The following ABHD5 variants were observed in gnomAD, a reference collection of about 807,000 sequenced individuals.
ABHD5 encodes the protein 1-acylglycerol-3-phosphate O-acyltransferase ABHD5.
Under a neutral mutation model 44.9 loss-of-function variants are expected in ABHD5, and 30 were observed. The observed-to-expected ratio is 0.67, with a 90% CI of 0.50 to 0.91. The LOEUF (loss-of-function observed/expected upper bound fraction) is 0.91. ABHD5 is among the 40% of genes least tolerant of loss of function. ABHD5 has a pLI of 0.00. For missense variants in ABHD5, 399 were observed against 423.4 expected (o/e 0.94, Z 0.50); for synonymous variants, 167 against 147.0 (o/e 1.14, Z -0.99).
chr3:43,723,270 A>G (rs1489533558), downstream of ABHD5, among the ~76,000 whole-genome samples: 4 of 152,248 alleles, frequency 2.6e-5, no homozygotes, highest in Non-Finnish European at 5.9e-5. Context: ...TTCATGGGAA[A>G]AATGAATCAT....
chr3:43,717,174 C>G (rs575334787), intron 5 of ABHD5, among the ~76,000 whole-genome samples: 46 of 134,284 alleles, frequency 3.4e-4, no homozygotes, highest in African/African-American at 1.2e-3. Flanking sequence ...GACTCCATCT[C>G]AAAAAAAACA....
chr3:43,691,031 C>A lies in ABHD5; in HGVS notation c.39C>A (p.Thr13=), dbSNP rs140969259. The A allele has an allele frequency of 6.4e-7, 1 of 1,560,322 alleles. No individual in the cohort carries two copies. Among genetic ancestry groups the A allele is most frequent in the Non-Finnish European group, 8.7e-7 (1 of 1,155,530 alleles). The stretch of plus-strand genomic sequence containing the variant: ...AGGAGGAGGTGGACTCTGCCGACAC[C>A]GGAGAGAGGTAAGCGCAGCCGGCAG... The part of the protein sequence containing the change: ...AEEEEVDSAD[T]GERSGWLTGW... Residue 13 remains threonine (T), a synonymous_variant, in exon 1 of 7, where the codon ACC becomes ACA. Coordinates refer to ENST00000644371, the MANE Select transcript of ABHD5 (RefSeq NM_016006.6).
intron 1 of ABHD5, among the ~76,000 whole-genome samples, chr3:43,698,854 A>G (rs748415644): frequency 1.3e-5 from 2 of 151,978 alleles, no homozygotes; most frequent in Non-Finnish European, 2.9e-5. Flanking sequence ...CCTTTTCTCA[A>G]CCCCCATAGA....
rs763065159 is a variant in ABHD5 at position 43,711,050 on chromosome 3, CAG to C, written c.507-657_507-656del. On this transcript the variant is annotated intron_variant, in intron 3 of 6. Coordinates refer to ENST00000644371, the MANE Select transcript of ABHD5 (RefSeq NM_016006.6). ...AAGAAAATTGGGAAAGAATTGAAAACAGAATCTAATGTCAGTATAGCGTGATA... is the reference window on the plus strand; with the variant it reads ...AAGAAAATTGGGAAAGAATTGAAAACAATCTAATGTCAGTATAGCGTGATA... Among the ~76,000 whole-genome samples the C allele has an allele frequency of 3.3e-5, 5 of 152,152 alleles. No individual in the cohort carries two copies. In the East Asian group the frequency reaches 5.8e-4, roughly 18 times the overall value.
intron 3 of ABHD5, among the ~76,000 whole-genome samples, chr3:43,708,479 G>T (rs2084649634): frequency 6.6e-6 from 1 of 152,202 alleles, no homozygotes; most frequent in African/African-American, 2.4e-5. Flanking sequence ...GTGCAACATT[G>T]CAGTCACCTG....
At chr3:43,705,275 A>C (rs1031255841) in intron 3 of ABHD5, among the ~76,000 whole-genome samples, 2 of 152,160 alleles carry the variant, frequency 1.3e-5, no homozygotes, top group Non-Finnish European at 2.9e-5. Flanking sequence ...TTTTGGGAGA[A>C]AAATTAGTTT....
chr3:43,734,238 T>C (rs1697298482), exon 8 of ABHD5: 3 of 152,196 alleles, frequency 2.0e-5, no homozygotes, highest in East Asian at 3.9e-4. Flanking sequence ...CAGCCGATGA[T>C]TGACTGACAC....
rs2084839101 is a variant in ABHD5, at chr3:43,721,739, A to G, written c.*3207A>G. The G allele has an allele frequency of 6.6e-6, 1 of 152,274 alleles. No individual in the cohort carries two copies. The highest frequency in any genetic ancestry group is 1.9e-4 in the East Asian group (1 of 5,190). 9.4% of individuals were successfully genotyped at this position (152,274 alleles called of 1,614,324 possible). A position where few individuals can be genotyped will look rare whatever the true frequency, so the allele number is the denominator to read the frequency against. ...ATAGCTGAAAATATTTGCAGCATTT[A>G]TCACAGAGGGCTAATTGTAGCCCTA... On this transcript the variant is annotated 3_prime_UTR_variant, in exon 7 of 7. Coordinates refer to ENST00000644371, the MANE Select transcript of ABHD5 (RefSeq NM_016006.6).
At chr3:43,691,160 C>G (rs1575596152) in intron 1 of ABHD5, 121 bp downstream of exon 1, 1 of 1,001,732 alleles carries the variant, frequency 1.0e-6, no homozygotes, top group East Asian at 3.2e-5. Context: ...CGGGCGGCTT[C>G]CTCGACCCTC....
At chr3:43,725,990 C>T (rs1277931466), downstream of ABHD5, among the ~76,000 whole-genome samples, 1 of 152,000 alleles carries the variant, frequency 6.6e-6, no homozygotes, top group Non-Finnish European at 1.5e-5. Context: ...CTCAGCCTCC[C>T]AAGTAGCTGG....
downstream of ABHD5, among the ~76,000 whole-genome samples, chr3:43,727,476 T>G (rs562678859): frequency 2.7e-4 from 41 of 152,330 alleles, no homozygotes; most frequent in Non-Finnish European, 5.0e-4. Flanking sequence ...ACATTTTGTT[T>G]CTGTACTTTA....
intron 5 of ABHD5, among the ~76,000 whole-genome samples, chr3:43,716,441 A>G (rs1363818095): frequency 6.6e-6 from 1 of 152,204 alleles, no homozygotes; most frequent in African/African-American, 2.4e-5. Flanking sequence ...CTAAGAGGCG[A>G]GATGCAGAGA....
intron 1 of ABHD5, among the ~76,000 whole-genome samples, chr3:43,693,694 A>C (rs956212931): frequency 6.8e-6 from 1 of 147,722 alleles, no homozygotes; most frequent in Non-Finnish European, 1.5e-5. Flanking sequence ...TCTTAATGAC[A>C]TTTTGCCTTT....
In ABHD5 at chr3:43,717,708, G is replaced by A. The variant is rs1575607298; in HGVS notation, c.811G>A (p.Gly271Arg). ...TTTCAAGAATATGACTATTCCTTATGGATGGGCAAAAAGGCCAATGCTCCA... is the reference window on the plus strand; with the variant it reads ...TTTCAAGAATATGACTATTCCTTATAGATGGGCAAAAAGGCCAATGCTCCA... ...TAFKNMTIPY[G>R]WAKRPMLQRI... Residue 271 changes from glycine (G) to arginine (R), a missense_variant, in exon 6 of 7, where the codon GGA becomes AGA. Coordinates refer to ENST00000644371, the MANE Select transcript of ABHD5 (RefSeq NM_016006.6). The A allele has an allele frequency of 6.2e-7, 1 of 1,614,168 alleles. No homozygotes were observed. Among genetic ancestry groups the A allele is most frequent in the Non-Finnish European group, 8.5e-7 (1 of 1,180,020 alleles).
chr3:43,717,832 G>A lies in ABHD5; in HGVS notation c.935G>A (p.Arg312Gln), dbSNP rs764653478. 13 of 1,614,044 alleles carry A rather than the reference G, an allele frequency of 8.1e-6. No homozygotes were observed. The highest frequency in any genetic ancestry group is 1.6e-4 in the Middle Eastern group (1 of 6,084). ...TCTGGCACCAGCATCCAGTCCTTAC[G>A]ACCACATTCATATGTGAAGACAATA... ...GNSGTSIQSL[R>Q]PHSYVKTIAI... The change falls in exon 6 of 7, where the codon CGA (arginine) becomes CAA (glutamine). Residue 312 changes from arginine (R) to glutamine (Q), a missense_variant. Coordinates refer to ENST00000644371, the MANE Select transcript of ABHD5 (RefSeq NM_016006.6).
In ABHD5 at chr3:43,693,304, A is replaced by G. The variant is rs149184775; in HGVS notation, c.47+2265A>G. Among the ~76,000 whole-genome samples the G allele has an allele frequency of 1.5e-3, 221 of 152,300 alleles. 1 individual carries two copies. The highest frequency in any genetic ancestry group is 5.1e-3 in the African/African-American group (213 of 41,568). ...GCTTGAAATTGGCCATGGTGGGAGT[A>G]TTTACACCACGGAAATCATCAAATG... On this transcript the variant is annotated intron_variant, in intron 1 of 6. Coordinates refer to ENST00000644371, the MANE Select transcript of ABHD5 (RefSeq NM_016006.6).
rs111847834 is a variant in ABHD5, at chr3:43,712,701, G to A, written c.661+838G>A. 8.3e-3 allele frequency among the ~76,000 whole-genome samples: 1,270 copies of A among 152,150 alleles called. 20 individuals are homozygous for A. The highest frequency in any genetic ancestry group is 0.029 in the African/African-American group (1,204 of 41,482). On this transcript the variant is annotated intron_variant, in intron 4 of 6. Coordinates refer to ENST00000644371, the MANE Select transcript of ABHD5 (RefSeq NM_016006.6). ...TTGTTCTGGTTGCTTGCTCATTGAT[G>A]TTAGGGTTTGGGTCTGTGTCTGTGA...
At chr3:43,724,099 G>A (rs921701754), downstream of ABHD5, among the ~76,000 whole-genome samples, 1 of 152,002 alleles carries the variant, frequency 6.6e-6, no homozygotes, top group Non-Finnish European at 1.5e-5. Context: ...GCTTATGTAC[G>A]GTCTATGCTA....
rs1553615744 is a variant in ABHD5, at chr3:43,702,452, C to G, written c.371C>G (p.Ala124Gly). The G allele has an allele frequency of 6.2e-6, 10 of 1,614,204 alleles. No homozygotes were observed. In the South Asian group the frequency reaches 8.8e-5, roughly 14 times the overall value. ...AGTAGACCCAGGTTTGACAGTGATGCAGAAGAAGTGGAGAATCAGTTTGTG... is the reference window on the plus strand; with the variant it reads ...AGTAGACCCAGGTTTGACAGTGATGGAGAAGAAGTGGAGAATCAGTTTGTG... The part of the protein sequence containing the change: ...RSSRPRFDSD[A>G]EEVENQFVES... The change falls in exon 3 of 7, where the codon GCA (alanine) becomes GGA (glycine). Residue 124 changes from alanine (A) to glycine (G), a missense_variant. Ala to Gly is a moderately conservative substitution (Grantham distance 60). Coordinates refer to ENST00000644371, the MANE Select transcript of ABHD5 (RefSeq NM_016006.6).
Sources: allele counts gnomAD v4.1 joint callset (sites outside exome capture counted in the v4.1 genomes callset), GRCh38; gene constraint gnomAD v4.1.1; transcripts MANE v1.5; gene names NCBI Gene and HGNC (gene_info 2026-07-23, HGNC 2026-07-21).